The following ZSWIM8 variants were observed in gnomAD, a reference collection of about 807,000 sequenced individuals.
The protein encoded by ZSWIM8 is zinc finger SWIM domain-containing protein 8.
ZSWIM8 carries 27 observed loss-of-function variants against 173.7 expected under a neutral mutation model. The observed-to-expected ratio is 0.16, with a 90% CI of 0.11 to 0.21. ZSWIM8 has a LOEUF of 0.21. Among genes scored for constraint, ZSWIM8 ranks in the 10% least tolerant of loss-of-function variants. The pLI is 1.00. For synonymous variants in ZSWIM8, 958 were observed against 962.0 expected, an observed-to-expected ratio of 1.00 and a Z score of 0.08; for missense variants, 1,627 against 2,428.8, an observed-to-expected ratio of 0.67 and a Z score of 6.94.
Position 73,801,150 on chromosome 10 carries a change from G to A in ZSWIM8, c.5256G>A (p.Pro1752=), listed in dbSNP as rs1410287471. 8.8e-6 allele frequency: 14 copies of A among 1,594,590 alleles called. No individual in the cohort carries two copies. The highest frequency in any genetic ancestry group is 1.2e-5 in the Non-Finnish European group (14 of 1,171,320). The change falls in exon 25 of 26, where the codon CCG becomes CCA. Residue 1752 remains proline (P), a synonymous_variant. Transcript: ENST00000604729. The surrounding 1 kb of genome is among the most constrained non-coding windows in gnomAD (Gnocchi z 4.9). ...PAHAHNHLRA[P]AFHQLVQRCQ... ...ATGCCCACAACCACCTGCGTGCCCCGGCCTTCCACCAACTGGTGCAGCGCT... is the reference window on the plus strand; with the variant it reads ...ATGCCCACAACCACCTGCGTGCCCCAGCCTTCCACCAACTGGTGCAGCGCT...
Position 73,796,903 on chromosome 10 carries a change from C to T in ZSWIM8, c.3163C>T (p.Pro1055Ser). ...SPSKHGGPSAPGALQPLTSGS... is the reference protein window; with the variant it reads ...SPSKHGGPSASGALQPLTSGS... ...TTCAAAGCACGGGGGCCCATCTGCC[C>T]CAGGGGCCCTGCAACCACTGACCTC... The change falls in exon 16 of 26, where the codon CCA (proline) becomes TCA (serine). Residue 1055 changes from proline (P) to serine (S), a missense_variant. By Grantham distance (74) the Pro-to-Ser change is moderately conservative (BLOSUM62 -1). Around this residue, in one of 18 missense-constraint regions of ZSWIM8, gnomAD observed 163 missense variants for 193.2 expected, o/e 0.84. Transcript: ENST00000604729. The T allele has an allele frequency of 6.2e-7, 1 of 1,614,064 alleles. No homozygotes were observed. Among genetic ancestry groups the T allele is most frequent in the East Asian group, 2.2e-5 (1 of 44,890 alleles).
Position 73,800,538 on chromosome 10 carries a change from C to T in ZSWIM8, c.5002+66C>T. ...GCCAGTGGCTCTTCAGAGGACCCTT[C>T]CTCTAGCTCTTCATTTGTTTACTGT... On this transcript the variant is annotated intron_variant, in intron 23 of 25. Transcript: ENST00000604729. This position sits in a 1 kb window ranked among gnomAD's most constrained non-coding sequence, Gnocchi z 4.1. The T allele has an allele frequency of 1.2e-6, 2 of 1,603,938 alleles. No individual in the cohort carries two copies. Among genetic ancestry groups the T allele is most frequent in the East Asian group, 2.2e-5 (1 of 44,834 alleles).
Position 73,801,665 on chromosome 10 carries a change from T to G in ZSWIM8, c.*146T>G. ...CTGACAGCTGCTCTTGGGCTATAGCTTGGGGCCAAGATGTCTCACACCCTA... is the reference window on the plus strand; with the variant it reads ...CTGACAGCTGCTCTTGGGCTATAGCGTGGGGCCAAGATGTCTCACACCCTA... On this transcript the variant is annotated 3_prime_UTR_variant, in exon 26 of 26. Transcript: ENST00000604729. The surrounding 1 kb of genome is among the most constrained non-coding windows in gnomAD (Gnocchi z 4.9). The G allele has an allele frequency of 6.5e-7, 1 of 1,535,258 alleles. No individual in the cohort carries two copies. Among genetic ancestry groups the G allele is most frequent in the East Asian group, 2.4e-5 (1 of 40,882 alleles).
intron 21 of ZSWIM8, 101 bp from the exon 22 acceptor site, chr10:73,799,910 C>CTA (rs1254532972): frequency 6.5e-5 from 84 of 1,299,408 alleles, no homozygotes; most frequent in Non-Finnish European, 7.3e-5. Context: ...GAGACTCTAT[C>CTA]TCAAAAAAAA....
At chr10:73,788,154 C>T (rs1003243891) in intron 1 of ZSWIM8, among the ~76,000 whole-genome samples, 6 of 151,422 alleles carry the variant, frequency 4.0e-5, no homozygotes, top group Non-Finnish European at 1.5e-5. Context: ...TCTGGCCTCT[C>T]GTGCTTCTTG....
Position 73,792,905 on chromosome 10 carries a change from G to A in ZSWIM8, c.2313+53G>A. 1 of 1,500,418 alleles carries A rather than the reference G, an allele frequency of 6.7e-7. No individual in the cohort carries two copies. Among genetic ancestry groups the A allele is most frequent in the Non-Finnish European group, 8.8e-7 (1 of 1,130,826 alleles). The allele number at this position is 1,500,418 out of a possible 1,614,324, so 92.9% of individuals were successfully genotyped here. ...GGTGCTCCTTAGCCACAACTGGGAG[G>A]GGCTATCTAGCTCTAGTTGGGAGTG... On this transcript the variant is annotated intron_variant, in intron 10 of 25. Transcript: ENST00000604729. The surrounding 1 kb of genome is among the most constrained non-coding windows in gnomAD (Gnocchi z 4.3).
chr10:73,785,625 C>A lies in ZSWIM8; in HGVS notation c.-254C>A, dbSNP rs1387736645. ...CTCCGCAGCCGCCTAGAGGCCCCAG[C>A]CGCCGAGCGCTTCGTCCCGGCCCTA... On this transcript the variant is annotated 5_prime_UTR_variant, in exon 1 of 26. Coordinates refer to ENST00000604729, the MANE Select transcript of ZSWIM8 (RefSeq NM_001367799.1). 1 of 567,272 alleles carries A rather than the reference C, an allele frequency of 1.8e-6. No homozygotes were observed. The highest frequency in any genetic ancestry group is 2.3e-5 in the Admixed American group (1 of 42,840). 35.1% of individuals were successfully genotyped at this position (567,272 alleles called of 1,614,324 possible).
rs752885705 is a variant in ZSWIM8, at chr10:73,799,520, G to A, written c.4665+30G>A. On this transcript the variant is annotated intron_variant, in intron 21 of 25. Coordinates refer to ENST00000604729, the MANE Select transcript of ZSWIM8 (RefSeq NM_001367799.1). ...GACCAGTGTTCTGCTGGGGGGTAAG[G>A]CATGGGAAAATACTGGGAATTCATA... 6.9e-6 allele frequency: 11 copies of A among 1,585,812 alleles called. No individual in the cohort carries two copies. The South Asian group carries it at 9.2e-5, about 13-fold the overall frequency.
Position 73,799,348 on chromosome 10 carries a change from C to T in ZSWIM8, c.4523C>T (p.Pro1508Leu). 6 of 1,611,186 alleles carry T rather than the reference C, an allele frequency of 3.7e-6. No homozygotes were observed. Among genetic ancestry groups the T allele is most frequent in the Non-Finnish European group, 3.4e-6 (4 of 1,178,872 alleles). ...PGPGLGHGHS[P>L]GLHPYTALQP... ...CCAGGACTGGGGCATGGCCACTCCC[C>T]TGGCCTGCACCCCTACACTGCTCTA... The change falls in exon 21 of 26, where the codon CCT becomes CTT. Residue 1508 changes from proline to leucine, a missense_variant. Physicochemically the swap from Pro to Leu is moderately conservative, Grantham distance 98. Coordinates refer to ENST00000604729, the MANE Select transcript of ZSWIM8 (RefSeq NM_001367799.1).
Position 73,797,095 on chromosome 10 carries a change from C to A in ZSWIM8, c.3275-18C>A, listed in dbSNP as rs539927684. On this transcript the variant is annotated intron_variant, in intron 16 of 25. Coordinates refer to ENST00000604729, the MANE Select transcript of ZSWIM8 (RefSeq NM_001367799.1). This position sits in a 1 kb window ranked among gnomAD's most constrained non-coding sequence, Gnocchi z 5.6. ...CCCTTTCCTGGGCTCATCCCAGCGT[C>A]CTGTTTTCCTCACCTAGAGAGTTCC... The A allele has an allele frequency of 1.9e-5, 31 of 1,613,326 alleles. No homozygotes were observed. The highest frequency in any genetic ancestry group is 1.9e-4 in the African/African-American group (14 of 74,932).
In ZSWIM8 at chr10:73,800,415, C is replaced by A; in HGVS notation, c.4945C>A (p.His1649Asn). ...TTTTCCACCGCCCGAGGAGGAGACACACAGTCAGCCAGTCAATCCCCACAG... is the reference window on the plus strand; with the variant it reads ...TTTTCCACCGCCCGAGGAGGAGACAAACAGTCAGCCAGTCAATCCCCACAG... ...GGFPPPEEETHSQPVNPHSLH... is the reference protein window; with the variant it reads ...GGFPPPEEETNSQPVNPHSLH... Residue 1649 changes from histidine to asparagine, a missense_variant, in exon 23 of 26, where the codon CAC becomes AAC. Physicochemically the swap from His to Asn is moderately conservative, Grantham distance 68 (BLOSUM62 1). Transcript: ENST00000604729. This position sits in a 1 kb window ranked among gnomAD's most constrained non-coding sequence, Gnocchi z 4.1. The A allele has an allele frequency of 6.2e-7, 1 of 1,613,948 alleles. No individual in the cohort carries two copies. The highest frequency in any genetic ancestry group is 1.1e-5 in the South Asian group (1 of 91,088).
At position 73,792,640 on chromosome 10, in the gene ZSWIM8, G is replaced by A. The variant is rs1208999483; in HGVS notation, c.2101G>A (p.Asp701Asn). ...LLPGDVCTQD[D>N]LPSTDESGNG... ...GCCTGGGGATGTCTGTACCCAGGAC[G>A]ACCTCCCTTCTACAGATGAGAGTGG... is the stretch of plus-strand genomic sequence containing the variant. Residue 701 changes from aspartate (D) to asparagine (N), a missense_variant, in exon 10 of 26, where the codon GAC (aspartate) becomes AAC (asparagine). This residue lies in a region of ZSWIM8 where 383 missense variants were observed against 394.8 expected (regional missense o/e 0.97). Coordinates refer to ENST00000604729, the MANE Select transcript of ZSWIM8 (RefSeq NM_001367799.1). The surrounding 1 kb of genome is among the most constrained non-coding windows in gnomAD (Gnocchi z 4.3). The A allele has an allele frequency of 6.2e-6, 10 of 1,614,004 alleles. No individual in the cohort carries two copies. The highest frequency in any genetic ancestry group is 1.6e-4 in the Middle Eastern group (1 of 6,062).
chr10:73,800,008 T>C lies in ZSWIM8; in HGVS notation c.4666-3T>C. ...TCTTCCCCTTTCTTCTCCCTGCCCC[T>C]AGGGTGTGCATCCTGCATTCCTAGG... On this transcript the variant is annotated splice_polypyrimidine_tract_variant and splice_region_variant and intron_variant, in intron 21 of 25. Coordinates refer to ENST00000604729, the MANE Select transcript of ZSWIM8 (RefSeq NM_001367799.1). This position sits in a 1 kb window ranked among gnomAD's most constrained non-coding sequence, Gnocchi z 4.1. 1 of 1,612,768 alleles carries C rather than the reference T, an allele frequency of 6.2e-7. No homozygotes were observed. Among genetic ancestry groups the C allele is most frequent in the Non-Finnish European group, 8.5e-7 (1 of 1,179,474 alleles).
At chr10:73,793,452 A>G in intron 10 of ZSWIM8, 136 bp from the exon 11 acceptor site, 1 of 952,640 alleles carries the variant, frequency 1.0e-6, no homozygotes, top group Admixed American at 3.3e-5. Flanking sequence ...TGTCTTTCTA[A>G]CCAGAGCTCC....
At chr10:73,790,655 C>G (rs929993342) in intron 7 of ZSWIM8, among the ~76,000 whole-genome samples, 3 of 152,108 alleles carry the variant, frequency 2.0e-5, no homozygotes, top group Non-Finnish European at 2.9e-5. Flanking sequence ...TCGAGACCAG[C>G]CTGGCCAACA....
At position 73,785,648 on chromosome 10, in the gene ZSWIM8, C is replaced by A; in HGVS notation, c.-231C>A. 1 of 608,618 alleles carries A rather than the reference C, an allele frequency of 1.6e-6. No individual in the cohort carries two copies. The allele number at this position is 608,618 out of a possible 1,614,324, so 37.7% of individuals were successfully genotyped here. On this transcript the variant is annotated 5_prime_UTR_variant, in exon 1 of 26. Coordinates refer to ENST00000604729, the MANE Select transcript of ZSWIM8 (RefSeq NM_001367799.1). ...AGCCGCCGAGCGCTTCGTCCCGGCCCTAAGTCTCGGAGACTGGCCAAGATC... is the reference window on the plus strand; with the variant it reads ...AGCCGCCGAGCGCTTCGTCCCGGCCATAAGTCTCGGAGACTGGCCAAGATC...
At position 73,792,645 on chromosome 10, in the gene ZSWIM8, C is replaced by A; in HGVS notation, c.2106C>A (p.Leu702=). 1 of 1,614,036 alleles carries A rather than the reference C, an allele frequency of 6.2e-7. No individual in the cohort carries two copies. The highest frequency in any genetic ancestry group is 8.5e-7 in the Non-Finnish European group (1 of 1,179,896). ...GGGATGTCTGTACCCAGGACGACCT[C>A]CCTTCTACAGATGAGAGTGGCAATG... The part of the protein sequence containing the change: ...LPGDVCTQDD[L]PSTDESGNGL... The change falls in exon 10 of 26, where the codon CTC becomes CTA. Residue 702 remains leucine (L), a synonymous_variant. Transcript: ENST00000604729. The surrounding 1 kb of genome is among the most constrained non-coding windows in gnomAD (Gnocchi z 4.3).
Position 73,791,556 on chromosome 10 carries a change from T to A in ZSWIM8, c.1319+57T>A. The A allele has an allele frequency of 1.4e-6, 2 of 1,480,086 alleles. No homozygotes were observed. The highest frequency in any genetic ancestry group is 2.7e-5 in the South Asian group (2 of 74,454). The allele number at this position is 1,480,086 out of a possible 1,614,324, so 91.7% of individuals were successfully genotyped here. On this transcript the variant is annotated intron_variant, in intron 9 of 25. Coordinates refer to ENST00000604729, the MANE Select transcript of ZSWIM8 (RefSeq NM_001367799.1). This position sits in a 1 kb window ranked among gnomAD's most constrained non-coding sequence, Gnocchi z 6.0. The stretch of plus-strand genomic sequence containing the variant: ...GAGCCTGGGCCAGCTCAGGACAGAC[T>A]GAGCCTTCATCTCCTTGTTTGCAGA...
Position 73,799,171 on chromosome 10 carries a change from G to A in ZSWIM8, c.4346G>A (p.Ser1449Asn). ...GAAGGGGCTACAAGCTGTAGTGCCA[G>A]TGGGATCAGGGCAGGTGGGGAAGCT... ...AREGATSCSA[S>N]GIRAGGEAGR... Residue 1449 changes from serine to asparagine, a missense_variant, in exon 21 of 26, where the codon AGT becomes AAT. Physicochemically the swap from Ser to Asn is conservative, Grantham distance 46 (BLOSUM62 1). This residue lies in a region of ZSWIM8 where 275 missense variants were observed against 290.1 expected (regional missense o/e 0.95). Coordinates refer to ENST00000604729, the MANE Select transcript of ZSWIM8 (RefSeq NM_001367799.1). 1 of 1,612,220 alleles carries A rather than the reference G, an allele frequency of 6.2e-7. No homozygotes were observed. Among genetic ancestry groups the A allele is most frequent in the Non-Finnish European group, 8.5e-7 (1 of 1,179,120 alleles).
Sources: allele counts gnomAD v4.1 joint callset (sites outside exome capture counted in the v4.1 genomes callset), GRCh38; gene constraint gnomAD v4.1.1; regional missense constraint gnomAD v4.1.1; non-coding constraint Gnocchi (gnomAD v3.1); transcripts MANE v1.5; gene names NCBI Gene and HGNC (gene_info 2026-07-23, HGNC 2026-07-21).